CRNKL1: variants seen among roughly 807,000 people sequenced by gnomAD.
CRNKL1 encodes crooked neck-like protein 1.
In CRNKL1, 35 loss-of-function variants were observed where a neutral mutation model predicts 103.7. The ratio of observed to expected loss-of-function variants is 0.34; its 90% CI spans 0.26 to 0.45. The LOEUF (loss-of-function observed/expected upper bound fraction) is 0.45. Among genes scored for constraint, CRNKL1 ranks in the 20% least tolerant of loss-of-function variants. The pLI is 1.00. For synonymous variants in CRNKL1, 267 were observed against 282.6 expected (o/e 0.94, Z 0.55); for missense variants, 645 against 836.0 (o/e 0.77, Z 2.82).
Position 20,034,426 on chromosome 20 carries a change from A to G in CRNKL1, c.*1769T>C, listed in dbSNP as rs1375995946. 1 of 152,220 alleles carries G rather than the reference A, an allele frequency of 6.6e-6. No individual in the cohort carries two copies. Among genetic ancestry groups the G allele is most frequent in the Non-Finnish European group, 1.5e-5 (1 of 68,024 alleles). The allele number at this position is 152,220 out of a possible 1,614,324, so 9.4% of individuals were successfully genotyped here. A position where few individuals can be genotyped will look rare whatever the true frequency, so the allele number is the denominator to read the frequency against. On this transcript the variant is annotated 3_prime_UTR_variant, in exon 14 of 14. Transcript: ENST00000536226. ...TGGAGTTGAGGGTGGGAGAGAAATG[A>G]ATCTTTATGTTCTCCTGTTAGAGAA...
rs764654665 is a variant in CRNKL1, at chr20:20,038,361, C to T, written c.1635G>A (p.Thr545=). Residue 545 remains threonine (T), a synonymous_variant, in exon 12 of 14, where the codon ACG becomes ACA. Transcript: ENST00000536226. The part of the protein sequence containing the change: ...RNLYRRLLQR[T]QHVKVWISFA... ...AAAGCAAGGATACCTTGACATGCTG[C>T]GTCCGTTGAAGCAACCGCCGGTAAA... 13 of 1,548,442 alleles carry T rather than the reference C, an allele frequency of 8.4e-6. No individual in the cohort carries two copies. The highest frequency in any genetic ancestry group is 4.8e-5 in the South Asian group (4 of 84,022).
At chr20:20,043,749 T>G (rs992984350) in intron 6 of CRNKL1, 87 bp from the exon 7 acceptor site, 5 of 1,302,394 alleles carry the variant, frequency 3.8e-6, no homozygotes, top group Non-Finnish European at 5.3e-6. Context: ...AAAATATTAC[T>G]TATAAGTTAG....
At chr20:20,054,755 CTAAT>C (rs2044165176), upstream of CRNKL1, among the ~76,000 whole-genome samples, 1 of 152,152 alleles carries the variant, frequency 6.6e-6, no homozygotes, top group Admixed American at 6.5e-5. Context: ...TTCTGTCAGT[CTAAT>C]TATTTTTTAT....
At chr20:20,046,368 ATAATAT>A (rs1422659040) in intron 5 of CRNKL1, among the ~76,000 whole-genome samples, 1 of 152,226 alleles carries the variant, frequency 6.6e-6, no homozygotes, top group African/African-American at 2.4e-5. Flanking sequence ...CGTCAAACTA[ATAATAT>A]TAAAATTAGT....
upstream of CRNKL1, chr20:20,055,927 T>C (rs201905744): frequency 6.9e-4 from 1,082 of 1,573,214 alleles, 19 homozygotes; most frequent in South Asian, 0.011. Context: ...AGAGAGAAAT[T>C]GAAATCATTT....
chr20:20,044,180 A>G (rs2043559124), intron 6 of CRNKL1, among the ~76,000 whole-genome samples: 1 of 151,998 alleles, frequency 6.6e-6, no homozygotes, highest in South Asian at 2.1e-4. Context: ...AAGTCTCCCC[A>G]CTGGTCTCCC....
rs760099136 is a variant in CRNKL1, at chr20:20,052,251, T to G, written c.51+41A>C. On this transcript the variant is annotated intron_variant, in intron 1 of 13. Coordinates refer to ENST00000536226, the MANE Select transcript of CRNKL1 (RefSeq NM_001278628.2). ...ACCCTCAGGGCTGAGGGATGCCCCTTTCCTAGGCCACCTCCTACAAGGCCC... is the reference window on the plus strand; with the variant it reads ...ACCCTCAGGGCTGAGGGATGCCCCTGTCCTAGGCCACCTCCTACAAGGCCC... 2.6e-6 allele frequency: 4 copies of G among 1,556,752 alleles called. No homozygotes were observed. The South Asian group carries it at 4.6e-5, about 18-fold the overall frequency.
chr20:20,044,642 TG>T (rs2043566674), intron 6 of CRNKL1, among the ~76,000 whole-genome samples: 1 of 152,128 alleles, frequency 6.6e-6, no homozygotes, highest in Non-Finnish European at 1.5e-5. Flanking sequence ...TTTTAAGAAA[TG>T]GGGTCCTGCT....
intron 10 of CRNKL1, 149 bp from the exon 11 acceptor site, chr20:20,039,997 G>T: frequency 1.3e-6 from 1 of 785,450 alleles, no homozygotes; most frequent in Non-Finnish European, 2.0e-6. Flanking sequence ...GTATCACAAT[G>T]TTTACTGGTT....
Position 20,037,471 on chromosome 20 carries a change from T to A in CRNKL1, c.1748A>T (p.Asn583Ile). Residue 583 changes from asparagine to isoleucine, a missense_variant, in exon 13 of 14, where the codon AAC becomes ATC. Asn to Ile is a moderately radical substitution (Grantham distance 149, BLOSUM62 -3). This residue lies in a region of CRNKL1 where 582 missense variants were observed against 707.7 expected (regional missense o/e 0.82). Coordinates refer to ENST00000536226, the MANE Select transcript of CRNKL1 (RefSeq NM_001278628.2). ...IYEEANKTMR[N>I]CEEKEERLML... ...AAGTCTCTCTTCCTTTTCTTCACAG[T>A]TTCGCATGGTTTTGTTAGCTTCTTC... 1 of 1,614,224 alleles carries A rather than the reference T, an allele frequency of 6.2e-7. No individual in the cohort carries two copies. Among genetic ancestry groups the A allele is most frequent in the East Asian group, 2.2e-5 (1 of 44,880 alleles).
rs1477965624 is a variant in CRNKL1, at chr20:20,047,768, G to C, written c.619C>G (p.Arg207Gly). ...EVDRARTIYE[R>G]FVLVHPDVKN... Reference sequence around the variant, plus strand: ...ACAGATCTCGTCCAAAGGATATATCGCTCATAAATGGTGCGGGCCCGATCC... The same window carrying C: ...ACAGATCTCGTCCAAAGGATATATCCCTCATAAATGGTGCGGGCCCGATCC... The change falls in exon 5 of 14, where the codon CGA (arginine) becomes GGA (glycine). Residue 207 changes from arginine (R) to glycine (G), a missense_variant. Around this residue, in one of 2 missense-constraint regions of CRNKL1, gnomAD observed 582 missense variants for 707.7 expected, o/e 0.82. Coordinates refer to ENST00000536226, the MANE Select transcript of CRNKL1 (RefSeq NM_001278628.2). The C allele has an allele frequency of 1.9e-6, 3 of 1,613,856 alleles. No homozygotes were observed. Among genetic ancestry groups the C allele is most frequent in the Admixed American group, 1.7e-5 (1 of 60,004 alleles).
At chr20:20,049,715 G>A (rs2043654282) in intron 2 of CRNKL1, among the ~76,000 whole-genome samples, 1 of 152,114 alleles carries the variant, frequency 6.6e-6, no homozygotes, top group Non-Finnish European at 1.5e-5. Flanking sequence ...CAGCATTAGT[G>A]CTTTAAAACA....
At chr20:20,039,954 A>G in intron 10 of CRNKL1, 106 bp from the exon 11 acceptor site, 1 of 1,152,802 alleles carries the variant, frequency 8.7e-7, no homozygotes, top group Non-Finnish European at 1.2e-6. Flanking sequence ...AATCTTGCAA[A>G]GTCAACATGG....
chr20:20,043,462 G>A, intron 7 of CRNKL1, 30 bp downstream of exon 7: 1 of 1,601,002 alleles, frequency 6.2e-7, no homozygotes, highest in Non-Finnish European at 8.6e-7. Context: ...TGGGTTATCT[G>A]CAGAGTTGAC....
chr20:20,045,543 G>A (rs2043580700), intron 5 of CRNKL1, 57 bp from the exon 6 acceptor site: 2 of 1,478,696 alleles, frequency 1.4e-6, no homozygotes, highest in Non-Finnish European at 1.8e-6. Context: ...AAAATAGTAA[G>A]TAAGTAAACA....
At chr20:20,041,130 AG>A (rs2043506522) in intron 9 of CRNKL1, among the ~76,000 whole-genome samples, 1 of 152,228 alleles carries the variant, frequency 6.6e-6, no homozygotes, top group African/African-American at 2.4e-5. Flanking sequence ...AAAGTAACTC[AG>A]TCAACACTTC....
At chr20:20,049,487 C>G (rs531918924) in intron 2 of CRNKL1, 56 bp from the exon 3 acceptor site, 2 of 881,032 alleles carry the variant, frequency 2.3e-6, no homozygotes, top group African/African-American at 1.7e-5. Flanking sequence ...AATGACAGCA[C>G]CCTTGGTCTA....
At chr20:20,047,078 T>C (rs928135342) in intron 5 of CRNKL1, among the ~76,000 whole-genome samples, 6 of 152,220 alleles carry the variant, frequency 3.9e-5, no homozygotes, top group Admixed American at 2.0e-4. Context: ...AATGACTCTC[T>C]GGAGCCACAC....
intron 11 of CRNKL1, among the ~76,000 whole-genome samples, chr20:20,038,788 GAA>G (rs1355005187): frequency 6.6e-6 from 1 of 152,220 alleles, no homozygotes; most frequent in East Asian, 1.9e-4. Context: ...CGTCCAGAGA[GAA>G]AACAGGCCCA....
Sources: gnomAD v4.1 joint callset for allele counts (sites outside exome capture counted in the v4.1 genomes callset) on GRCh38, gnomAD v4.1.1 for gene constraint, gnomAD v4.1.1 regional missense constraint, MANE v1.5 for transcripts, NCBI Gene and HGNC (gene_info 2026-07-23, HGNC 2026-07-21) for gene names.